The following EPSTI1 variants were observed in gnomAD, a reference collection of about 807,000 sequenced individuals.
EPSTI1 encodes epithelial-stromal interaction protein 1.
In EPSTI1, 66 loss-of-function variants were observed where a neutral mutation model predicts 49.9. That is an observed-to-expected ratio of 1.32 (90% CI 1.08 to 1.62). The LOEUF is 1.62. Among genes scored for constraint, EPSTI1 ranks in the 40% most tolerant of loss-of-function variants. The probability of loss-of-function intolerance (pLI) is 0.00; values close to 1 mark genes in which losing one functional copy is unlikely to be tolerated. For missense variants in EPSTI1, 394 were observed against 365.5 expected (o/e 1.08, Z -0.64); for synonymous variants, 137 against 130.7 (o/e 1.05, Z -0.33).
chr13:42,890,296 C>CTTTTCTTTTCTTT (rs1470146396), intron 10 of EPSTI1, among the ~76,000 whole-genome samples: 1 of 116,306 alleles, frequency 8.6e-6, no homozygotes, highest in African/African-American at 3.1e-5. Flanking sequence ...TTTTTCTTTT[C>CTTTTCTTTTCTTT]TTTTTTTTTT....
intron 3 of EPSTI1, among the ~76,000 whole-genome samples, chr13:42,964,422 AAT>A (rs909750300): frequency 8.4e-4 from 128 of 152,320 alleles, no homozygotes; most frequent in African/African-American, 2.9e-3. Context: ...CTTGGATTGA[AAT>A]CATACCTAAA....
Position 42,969,086 on chromosome 13 carries a change from T to A in EPSTI1, c.331+8A>T, listed in dbSNP as rs774858695. On this transcript the variant is annotated splice_region_variant and intron_variant, in intron 3 of 10. Coordinates refer to ENST00000313624, the MANE Select transcript of EPSTI1 (RefSeq NM_033255.5). ...TCCCTCATTCCGGCAGCGGCTGTGC[T>A]TGCTTACCTAGCCGTCTGGGCACCA... 3 of 1,614,116 alleles carry A rather than the reference T, an allele frequency of 1.9e-6. No individual in the cohort carries two copies. In the South Asian group the frequency reaches 3.3e-5, roughly 18 times the overall value.
intron 10 of EPSTI1, among the ~76,000 whole-genome samples, chr13:42,893,500 T>A (rs1467138629): frequency 1.3e-5 from 2 of 152,198 alleles, no homozygotes; most frequent in African/African-American, 4.8e-5. Flanking sequence ...CCCATCCTAC[T>A]AAAAATTTCA....
intron 8 of EPSTI1, among the ~76,000 whole-genome samples, chr13:42,915,749 A>C (rs1306789205): frequency 6.6e-6 from 1 of 152,194 alleles, no homozygotes; most frequent in African/African-American, 2.4e-5. Flanking sequence ...AAGGATATAT[A>C]ATAAAAATAT....
intron 10 of EPSTI1, among the ~76,000 whole-genome samples, chr13:42,891,962 C>T (rs2037048312): frequency 1.3e-5 from 2 of 152,144 alleles, no homozygotes; most frequent in South Asian, 4.1e-4. Flanking sequence ...CTGCAGGAGC[C>T]AGGGTGAGAG....
At chr13:42,962,610 C>CA (rs1213318889) in intron 5 of EPSTI1, among the ~76,000 whole-genome samples, 29 of 57,786 alleles carry the variant, frequency 5.0e-4, no homozygotes, top group African/African-American at 1.3e-3. Flanking sequence ...CCTGTCTCTA[C>CA]AAAAAATACA....
chr13:42,919,782 G>C (rs568438573), intron 7 of EPSTI1, among the ~76,000 whole-genome samples: 1 of 152,190 alleles, frequency 6.6e-6, no homozygotes, highest in African/African-American at 2.4e-5. Context: ...ACTATACCGG[G>C]AGAAGAGCAT....
At position 42,897,620 on chromosome 13, in the gene EPSTI1, G is replaced by C. The variant is rs555722402; in HGVS notation, c.816-2512C>G. On this transcript the variant is annotated intron_variant, in intron 9 of 10. Coordinates refer to ENST00000313624, the MANE Select transcript of EPSTI1 (RefSeq NM_033255.5). ...ATTGCTCTCAATTCACTCAAACCCT[G>C]CGAAGACTGATGCCTTGTCATGAAG... 3.9e-5 allele frequency among the ~76,000 whole-genome samples: 6 copies of C among 152,284 alleles called. No individual in the cohort carries two copies. The East Asian group carries it at 5.8e-4, about 15-fold the overall frequency.
At chr13:42,931,497 G>A (rs544807582) in intron 6 of EPSTI1, among the ~76,000 whole-genome samples, 1 of 152,298 alleles carries the variant, frequency 6.6e-6, no homozygotes, top group Non-Finnish European at 1.5e-5. Flanking sequence ...GAGCCACCGC[G>A]CCCGGCCTTG....
At chr13:42,925,294 T>G (rs1330688930) in intron 7 of EPSTI1, among the ~76,000 whole-genome samples, 1 of 152,214 alleles carries the variant, frequency 6.6e-6, no homozygotes, top group African/African-American at 2.4e-5. Context: ...GAGTTTTCCC[T>G]GTTTAAACAT....
In EPSTI1 at chr13:42,887,664, T is replaced by G. The variant is rs79684361; in HGVS notation, c.*830A>C. 0.058 allele frequency: 8,768 copies of G among 152,222 alleles called. 358 individuals are homozygous for G. The highest frequency in any genetic ancestry group is 0.086 in the Admixed American group (1,321 of 15,286). The allele number at this position is 152,222 out of a possible 1,614,324, so 9.4% of individuals were successfully genotyped here. ...ACTGGTTCAGGGTCACAGAAGTGAA[T>G]AAGAAAGCCAACTGAACTAGCAATA... On this transcript the variant is annotated 3_prime_UTR_variant, in exon 11 of 11. Coordinates refer to ENST00000313624, the MANE Select transcript of EPSTI1 (RefSeq NM_033255.5).
chr13:42,937,815 TC>T (rs2038614705), intron 6 of EPSTI1, among the ~76,000 whole-genome samples: 1 of 152,148 alleles, frequency 6.6e-6, no homozygotes, highest in Non-Finnish European at 1.5e-5. Flanking sequence ...TATTTTGACC[TC>T]CTCCCATGAA....
In EPSTI1 at chr13:42,969,171, TC is replaced by T; in HGVS notation, c.253del (p.Glu85SerfsTer26). The T allele has an allele frequency of 6.2e-7, 1 of 1,614,006 alleles. No homozygotes were observed. Among genetic ancestry groups the T allele is most frequent in the South Asian group, 1.1e-5 (1 of 91,076 alleles). ...CTTCTCCAGGTTGGCCAGCTCCTGC[TC>T]CGCAACTAAGCCAGGCGAGAAATAT... ...NRRNEIQRIAEQELANLEKWK... is the reference protein window; with the variant it reads ...NRRNEIQRIAXQELANLEKWK... On this transcript the variant is annotated frameshift_variant, in exon 3 of 11. Transcript: ENST00000313624. LOFTEE classifies it high-confidence loss of function.
At chr13:42,930,560 T>A (rs2038330298) in intron 6 of EPSTI1, among the ~76,000 whole-genome samples, 3 of 152,300 alleles carry the variant, frequency 2.0e-5, no homozygotes, top group African/African-American at 7.2e-5. Flanking sequence ...AACATGAAAG[T>A]GAGTAGTAAT....
intron 6 of EPSTI1, among the ~76,000 whole-genome samples, chr13:42,941,630 CAG>C (rs1313204757): frequency 7.1e-6 from 1 of 141,012 alleles, no homozygotes; most frequent in Non-Finnish European, 1.5e-5. Context: ...AAAAAAAAAA[CAG>C]AAAAAAAATT....
intron 1 of EPSTI1, among the ~76,000 whole-genome samples, chr13:42,987,780 A>G (rs1464046863): frequency 1.3e-5 from 2 of 152,194 alleles, no homozygotes; most frequent in Non-Finnish European, 2.9e-5. Flanking sequence ...TGTGTTGAAT[A>G]GTTATTTGTT....
chr13:42,906,816 G>A (rs1308605128), intron 8 of EPSTI1, among the ~76,000 whole-genome samples: 2 of 151,694 alleles, frequency 1.3e-5, no homozygotes, highest in African/African-American at 4.9e-5. Context: ...CACAAGTAAT[G>A]TACACTCTCC....
chr13:42,901,766 A>AT (rs557007959), intron 8 of EPSTI1, among the ~76,000 whole-genome samples: 87 of 151,744 alleles, frequency 5.7e-4, no homozygotes, highest in African/African-American at 1.9e-3. Context: ...TCATTTCTTA[A>AT]TTTTTTTTTA....
Position 42,906,456 on chromosome 13 carries a change from T to G in EPSTI1, c.742-6073A>C, listed in dbSNP as rs565094354. ...TCAGCTTGACTGCTTTATGTAAACA[T>G]GAAAATGCCATCGCCTGGCAAAACA... On this transcript the variant is annotated intron_variant, in intron 8 of 10. Coordinates refer to ENST00000313624, the MANE Select transcript of EPSTI1 (RefSeq NM_033255.5). 9.9e-5 allele frequency among the ~76,000 whole-genome samples: 15 copies of G among 152,268 alleles called. No homozygotes were observed. In the East Asian group the frequency reaches 2.9e-3, roughly 29 times the overall value.
Sources: allele counts gnomAD v4.1 joint callset (sites outside exome capture counted in the v4.1 genomes callset), GRCh38; gene constraint gnomAD v4.1.1; transcripts MANE v1.5; gene names NCBI Gene and HGNC (gene_info 2026-07-23, HGNC 2026-07-21).